USP33: variants seen among roughly 807,000 people sequenced by gnomAD.
USP33 encodes the protein ubiquitin specific peptidase 33.
Under a neutral mutation model 124.2 loss-of-function variants are expected in USP33, and 46 were observed. That is an observed-to-expected ratio of 0.37 (90% CI 0.29 to 0.47). The LOEUF (loss-of-function observed/expected upper bound fraction) is 0.47. Among genes scored for constraint, USP33 ranks in the 20% least tolerant of loss-of-function variants. The pLI is 0.99. For synonymous variants in USP33, 350 were observed against 352.3 expected (o/e 0.99, Z 0.07); for missense variants, 851 against 1,070.6 (o/e 0.79, Z 2.86).
chr1:77,734,303 T>A (rs1678173162), intron 7 of USP33, 44 bp downstream of exon 7: 3 of 1,436,994 alleles, frequency 2.1e-6, no homozygotes, highest in Non-Finnish European at 2.8e-6. Context: ...AAAAAATAAC[T>A]TAAAAAATTA....
intron 1 of USP33, among the ~76,000 whole-genome samples, chr1:77,757,044 G>A (rs1462578594): frequency 3.3e-5 from 5 of 152,118 alleles, no homozygotes; most frequent in Admixed American, 6.5e-5. Flanking sequence ...TTGTTCTACC[G>A]ATGTTTTCTC....
At chr1:77,741,810 CA>C in intron 1 of USP33, 62 bp from the exon 2 acceptor site, 2 of 1,395,706 alleles carry the variant, frequency 1.4e-6, no homozygotes, top group Non-Finnish European at 1.9e-6. Context: ...GCAAAGATTC[CA>C]AAAAATAAAA....
intron 2 of USP33, 89 bp from the exon 3 acceptor site, chr1:77,741,518 T>C: frequency 1.3e-6 from 2 of 1,538,330 alleles, no homozygotes; most frequent in Non-Finnish European, 1.8e-6. Flanking sequence ...ATACATATTT[T>C]TAAAATACTG....
chr1:77,759,526 AAG>A, intron 1 of USP33, 115 bp downstream of exon 1: 1 of 397,800 alleles, frequency 2.5e-6, no homozygotes, highest in Non-Finnish European at 4.4e-6. Context: ...GACCAAGAAA[AAG>A]AGGCTGCTGC....
intron 11 of USP33, among the ~76,000 whole-genome samples, chr1:77,724,562 G>A (rs1676945847): frequency 6.6e-6 from 1 of 152,062 alleles, no homozygotes; most frequent in African/African-American, 2.4e-5. Flanking sequence ...TAAAAAGTCT[G>A]GCAGTTTAAT....
Position 77,697,301 on chromosome 1 carries a change from C to G in USP33, c.*16G>C. The stretch of plus-strand genomic sequence containing the variant: ...ATGAAAATGATTCCTCATTAGAACT[C>G]TCTACATCCTAAAAATTACAAAGAC... On this transcript the variant is annotated 3_prime_UTR_variant, in exon 24 of 24. Transcript: ENST00000370794. 6.3e-7 allele frequency: 1 copy of G among 1,587,858 alleles called. No homozygotes were observed. Among genetic ancestry groups the G allele is most frequent in the Non-Finnish European group, 8.6e-7 (1 of 1,169,470 alleles).
rs748785838 is a variant in USP33 at position 77,725,726 on chromosome 1, G to T, written c.1172C>A (p.Thr391Lys). The change falls in exon 11 of 24, where the codon ACA (threonine) becomes AAA (lysine). Residue 391 changes from threonine to lysine, a missense_variant. Around this residue, in one of 4 missense-constraint regions of USP33, gnomAD observed 207 missense variants for 200.9 expected, o/e 1.03. Transcript: ENST00000370794. Reference protein sequence around the residue: ...ITDVHSNDLSTPQILPSNEGV... With the variant: ...ITDVHSNDLSKPQILPSNEGV... ...TTCATTTGATGGAAGGATCTGTGGT[G>T]TAGACAGGTCATTCGAATGGACATC... 44 of 1,613,946 alleles carry T rather than the reference G, an allele frequency of 2.7e-5. No individual in the cohort carries two copies. The highest frequency in any genetic ancestry group is 3.6e-5 in the Non-Finnish European group (43 of 1,179,904).
chr1:77,756,476 T>C (rs1336727235), intron 1 of USP33, among the ~76,000 whole-genome samples: 1 of 152,154 alleles, frequency 6.6e-6, no homozygotes, highest in Non-Finnish European at 1.5e-5. Flanking sequence ...ACTTCCCATC[T>C]CAACTACTTC....
chr1:77,716,692 T>C (rs1675946556), intron 17 of USP33, among the ~76,000 whole-genome samples: 1 of 151,990 alleles, frequency 6.6e-6, no homozygotes, highest in Admixed American at 6.6e-5. Context: ...CACATTCCTT[T>C]TCTAATCTAA....
In USP33 at chr1:77,711,815, G is replaced by A; in HGVS notation, c.2338C>T (p.His780Tyr). 6.2e-7 allele frequency: 1 copy of A among 1,609,690 alleles called. No homozygotes were observed. Reference protein sequence around the residue: ...GPAVNHLYICHTCQIEAEKIE... With the variant: ...GPAVNHLYICYTCQIEAEKIE... ...TTCTCCGCCTCAATTTGGCAAGTATGACAAATGTACAGATGGTTGACAGCT... is the reference window on the plus strand; with the variant it reads ...TTCTCCGCCTCAATTTGGCAAGTATAACAAATGTACAGATGGTTGACAGCT... Residue 780 changes from histidine (H) to tyrosine (Y), a missense_variant, in exon 21 of 24, where the codon CAT becomes TAT. By Grantham distance (83) the His-to-Tyr change is moderately conservative (BLOSUM62 2). This residue lies in a region of USP33 where 281 missense variants were observed against 425.0 expected (regional missense o/e 0.66). Coordinates refer to ENST00000370794, the MANE Select transcript of USP33 (RefSeq NM_201624.3).
chr1:77,746,171 C>T (rs947160513), intron 1 of USP33, among the ~76,000 whole-genome samples: 7 of 151,946 alleles, frequency 4.6e-5, no homozygotes, highest in South Asian at 2.1e-4. Flanking sequence ...AAGAATCAAA[C>T]AGATGCAATA....
chr1:77,705,020 T>C (rs1023790564), intron 21 of USP33, among the ~76,000 whole-genome samples: 14 of 151,916 alleles, frequency 9.2e-5, no homozygotes, highest in Non-Finnish European at 1.8e-4. Context: ...TCCTATCTGC[T>C]TTTTCGGTTT....
chr1:77,704,805 A>T (rs530861126), intron 21 of USP33, among the ~76,000 whole-genome samples: 2 of 152,306 alleles, frequency 1.3e-5, no homozygotes, highest in African/African-American at 4.8e-5. Flanking sequence ...TATTTAGGAT[A>T]CAATATCCTT....
At chr1:77,735,905 C>T (rs78458442) in intron 6 of USP33, 151 bp downstream of exon 6, 2 of 495,700 alleles carry the variant, frequency 4.0e-6, no homozygotes, top group East Asian at 3.4e-5. Flanking sequence ...GTTTGTTTTG[C>T]AAATAAAATT....
At chr1:77,752,192 A>G (rs1680404370) in intron 1 of USP33, among the ~76,000 whole-genome samples, 1 of 151,502 alleles carries the variant, frequency 6.6e-6, no homozygotes, top group African/African-American at 2.4e-5. Flanking sequence ...GCTGGAGTGC[A>G]GTGGCGCAAT....
chr1:77,750,677 A>AAAGG (rs1680245703), intron 1 of USP33, among the ~76,000 whole-genome samples: 1 of 151,878 alleles, frequency 6.6e-6, no homozygotes, highest in South Asian at 2.1e-4. Context: ...AGAAAGAAAG[A>AAAGG]AAGAAAGAAA....
intron 21 of USP33, among the ~76,000 whole-genome samples, chr1:77,709,216 A>G (rs1457194755): frequency 6.6e-6 from 1 of 152,076 alleles, no homozygotes; most frequent in Non-Finnish European, 1.5e-5. Flanking sequence ...TGTTACTGTA[A>G]TTTATTTTGA....
At chr1:77,714,484 A>G in intron 19 of USP33, 130 bp downstream of exon 19, 1 of 899,062 alleles carries the variant, frequency 1.1e-6, no homozygotes, top group South Asian at 1.8e-5. Context: ...TATGGAATTA[A>G]AACACATTAA....
At chr1:77,705,118 A>T (rs1361538271) in intron 21 of USP33, among the ~76,000 whole-genome samples, 3 of 118,458 alleles carry the variant, frequency 2.5e-5, no homozygotes, top group East Asian at 4.8e-4. Flanking sequence ...TGCTTTGTTT[A>T]AAAAAAAAAG....
Sources: gnomAD v4.1 joint callset for allele counts (sites outside exome capture counted in the v4.1 genomes callset) on GRCh38, gnomAD v4.1.1 for gene constraint, gnomAD v4.1.1 regional missense constraint, MANE v1.5 for transcripts, NCBI Gene and HGNC (gene_info 2026-07-23, HGNC 2026-07-21) for gene names.